Variants in CNTNAP2 observed in about 807,000 individuals in gnomAD.
CNTNAP2 encodes the protein contactin associated protein 2.
In CNTNAP2, 98 loss-of-function variants were observed where a neutral mutation model predicts 155.2. That is an observed-to-expected ratio of 0.63 (90% CI 0.54 to 0.75). The LOEUF (loss-of-function observed/expected upper bound fraction) is 0.75. Among genes scored for constraint, CNTNAP2 ranks in the 30% least tolerant of loss-of-function variants. CNTNAP2 has a pLI of 0.00. For synonymous variants in CNTNAP2, 651 were observed against 631.2 expected (o/e 1.03, Z -0.47); for missense variants, 1,727 against 1,688.1 (o/e 1.02, Z -0.40).
chr7:146,948,670 A>T (rs978556192), intron 3 of CNTNAP2, among the ~76,000 whole-genome samples: 2 of 152,184 alleles, frequency 1.3e-5, no homozygotes, highest in Non-Finnish European at 2.9e-5. Flanking sequence ...ATTGTGTATG[A>T]TACATTATGA....
At chr7:146,303,440 T>C (rs1213409988) in intron 1 of CNTNAP2, among the ~76,000 whole-genome samples, 1 of 152,036 alleles carries the variant, frequency 6.6e-6, no homozygotes, top group East Asian at 1.9e-4. Flanking sequence ...AATCTACCCT[T>C]TTAAAATTTT....
intron 13 of CNTNAP2, among the ~76,000 whole-genome samples, chr7:147,858,412 A>T (rs781596526): frequency 1.9e-4 from 29 of 152,216 alleles, no homozygotes; most frequent in Non-Finnish European, 4.1e-4. Context: ...TACTTTCAAC[A>T]TGGAAATAAA....
At chr7:146,500,577 A>G (rs999121838) in intron 1 of CNTNAP2, among the ~76,000 whole-genome samples, 2 of 152,122 alleles carry the variant, frequency 1.3e-5, no homozygotes, top group Admixed American at 6.6e-5. Context: ...AACTCAGATA[A>G]AACAAATGTA....
chr7:146,297,630 G>C (rs1800534942), intron 1 of CNTNAP2, among the ~76,000 whole-genome samples: 1 of 151,976 alleles, frequency 6.6e-6, no homozygotes, highest in East Asian at 1.9e-4. Flanking sequence ...AATATGATAA[G>C]GATTCCATGT....
At chr7:147,310,934 C>T (rs917851414) in intron 9 of CNTNAP2, among the ~76,000 whole-genome samples, 14 of 152,116 alleles carry the variant, frequency 9.2e-5, no homozygotes, top group Non-Finnish European at 7.4e-5. Flanking sequence ...TACAAAGAAA[C>T]AATCCAGGAG....
At chr7:147,149,809 T>C (rs1437236847) in intron 8 of CNTNAP2, among the ~76,000 whole-genome samples, 1 of 152,280 alleles carries the variant, frequency 6.6e-6, no homozygotes, top group East Asian at 1.9e-4. Flanking sequence ...TGGAAAGCAT[T>C]GCATAATCCA....
chr7:146,262,869 T>G (rs1348849353), intron 1 of CNTNAP2, among the ~76,000 whole-genome samples: 1 of 152,188 alleles, frequency 6.6e-6, no homozygotes, highest in Non-Finnish European at 1.5e-5. Flanking sequence ...AGAAAGTAAT[T>G]GGGAATATAT....
At chr7:147,941,524 A>G (rs1426434805) in intron 14 of CNTNAP2, among the ~76,000 whole-genome samples, 1 of 152,154 alleles carries the variant, frequency 6.6e-6, no homozygotes, top group African/African-American at 2.4e-5. Flanking sequence ...CTCCCTGGAG[A>G]GCTTTGCAGA....
intron 3 of CNTNAP2, among the ~76,000 whole-genome samples, chr7:146,873,151 T>C (rs562955049): frequency 1.9e-4 from 29 of 152,312 alleles, no homozygotes; most frequent in African/African-American, 6.5e-4. Flanking sequence ...GACCACTGCA[T>C]TCTTATATGC....
At chr7:148,212,467 T>C (rs541334590) in intron 18 of CNTNAP2, among the ~76,000 whole-genome samples, 7 of 152,290 alleles carry the variant, frequency 4.6e-5, no homozygotes, top group African/African-American at 1.4e-4. Context: ...ATACAGAATT[T>C]ATTATTTTTC....
chr7:147,375,557 C>G (rs1159033681), intron 9 of CNTNAP2, among the ~76,000 whole-genome samples: 1 of 151,968 alleles, frequency 6.6e-6, no homozygotes, highest in Non-Finnish European at 1.5e-5. Context: ...TAGGGGGCCC[C>G]AGCCAATCTC....
chr7:147,515,321 C>CTTTTTTTTTTTTTTTTTT (rs763147267), intron 11 of CNTNAP2, among the ~76,000 whole-genome samples: 1 of 126,166 alleles, frequency 7.9e-6, no homozygotes. Context: ...TCATTATATT[C>CTTTTTTTTTTTTTTTTTT]TTTTTTTGTT....
chr7:148,354,038 G>T (rs1798471365), intron 21 of CNTNAP2, among the ~76,000 whole-genome samples: 1 of 152,222 alleles, frequency 6.6e-6, no homozygotes, highest in East Asian at 1.9e-4. Context: ...CTAACTTTGT[G>T]CTATTTTGAG....
At chr7:147,881,251 A>C (rs1403489864) in intron 13 of CNTNAP2, among the ~76,000 whole-genome samples, 1 of 152,238 alleles carries the variant, frequency 6.6e-6, no homozygotes, top group Non-Finnish European at 1.5e-5. Context: ...TATATGTAGC[A>C]CCACCAAATG....
intron 1 of CNTNAP2, among the ~76,000 whole-genome samples, chr7:146,541,921 T>G (rs1232860102): frequency 6.6e-6 from 1 of 152,026 alleles, no homozygotes; most frequent in African/African-American, 2.4e-5. Context: ...TTTAATGTTC[T>G]TAGTAACAAA....
chr7:147,507,736 G>A (rs1448841822), intron 11 of CNTNAP2, among the ~76,000 whole-genome samples: 1 of 151,682 alleles, frequency 6.6e-6, no homozygotes, highest in East Asian at 1.9e-4. Context: ...GTATTTTTTA[G>A]TAGAGACGGA....
chr7:146,851,438 C>G (rs1794875790), intron 3 of CNTNAP2, among the ~76,000 whole-genome samples: 1 of 152,022 alleles, frequency 6.6e-6, no homozygotes, highest in Non-Finnish European at 1.5e-5. Context: ...TATTAGTTTG[C>G]TAGGGCTGCC....
intron 14 of CNTNAP2, among the ~76,000 whole-genome samples, chr7:147,954,579 T>G (rs1344544987): frequency 6.6e-6 from 1 of 152,194 alleles, no homozygotes; most frequent in Non-Finnish European, 1.5e-5. Context: ...TTCTATATAT[T>G]AAGCAATTAT....
chr7:148,053,111 T>A (rs1300402659), intron 15 of CNTNAP2, among the ~76,000 whole-genome samples: 1 of 152,140 alleles, frequency 6.6e-6, no homozygotes, highest in Non-Finnish European at 1.5e-5. Context: ...AGCATGATAA[T>A]GGTATAATTT....
Sources: allele counts gnomAD v4.1 joint callset (sites outside exome capture counted in the v4.1 genomes callset), GRCh38; gene constraint gnomAD v4.1.1; transcripts MANE v1.5; gene names NCBI Gene and HGNC (gene_info 2026-07-23, HGNC 2026-07-21).